The following PTPRD variants were observed in gnomAD, a reference collection of about 807,000 sequenced individuals.
The protein encoded by PTPRD is protein tyrosine phosphatase receptor type D.
PTPRD carries 34 observed loss-of-function variants against 214.5 expected under a neutral mutation model. The observed-to-expected ratio is 0.16, with a 90% CI of 0.12 to 0.21. The LOEUF is 0.21. Among genes scored for constraint, PTPRD ranks in the 10% least tolerant of loss-of-function variants. The pLI is 1.00. For missense variants in PTPRD, 2,545 were observed against 2,398.7 expected, an observed-to-expected ratio of 1.06 and a Z score of -1.27; for synonymous variants, 1,128 against 845.7, an observed-to-expected ratio of 1.33 and a Z score of -5.79.
chr9:9,870,789 T>A (rs1435958547), intron 5 of PTPRD, among the ~76,000 whole-genome samples: 4 of 152,016 alleles, frequency 2.6e-5, no homozygotes, highest in African/African-American at 9.7e-5. Flanking sequence ...CCAGGGGAAA[T>A]TGCAGATAAA....
chr9:9,102,721 A>G (rs1024868133), intron 10 of PTPRD, among the ~76,000 whole-genome samples: 6 of 152,242 alleles, frequency 3.9e-5, no homozygotes, highest in African/African-American at 1.4e-4. Context: ...CACGGAGGTT[A>G]CTGTTATAAG....
rs765882453 is a variant in PTPRD, at chr9:8,518,096, G to C, written c.1295C>G (p.Thr432Ser). The change falls in exon 21 of 46, where the codon ACC (threonine) becomes AGC (serine). Residue 432 changes from threonine to serine, a missense_variant. Physicochemically the swap from Thr to Ser is moderately conservative, Grantham distance 58. Coordinates refer to ENST00000381196, the MANE Select transcript of PTPRD (RefSeq NM_002839.4). ...TTCCTTCCACTGTACCAAAATGGTGGTCGAACTCAACATTCGTGCCTGGAC... is the reference window on the plus strand; with the variant it reads ...TTCCTTCCACTGTACCAAAATGGTGCTCGAACTCAACATTCGTGCCTGGAC... ...RDVQARMLSS[T>S]TILVQWKEPE... 5 of 1,614,112 alleles carry C rather than the reference G, an allele frequency of 3.1e-6. No homozygotes were observed. In the Admixed American group the frequency reaches 8.3e-5, roughly 27 times the overall value.
intron 8 of PTPRD, among the ~76,000 whole-genome samples, chr9:9,560,633 C>A (rs961895135): frequency 6.6e-6 from 1 of 152,174 alleles, no homozygotes; most frequent in Non-Finnish European, 1.5e-5. Context: ...TTCATCCCAC[C>A]CTTATTGCCA....
At chr9:10,472,888 TA>T (rs958804032) in intron 2 of PTPRD, among the ~76,000 whole-genome samples, 7 of 152,006 alleles carry the variant, frequency 4.6e-5, no homozygotes, top group East Asian at 1.9e-4. Context: ...AGAAAAATTT[TA>T]AAAAAATTAT....
At chr9:9,795,488 G>A (rs2098996178) in intron 5 of PTPRD, among the ~76,000 whole-genome samples, 3 of 152,038 alleles carry the variant, frequency 2.0e-5, no homozygotes, top group Middle Eastern at 3.2e-3. Context: ...ACAAGTCTGA[G>A]GAAAATTCGT....
At chr9:8,466,399 T>C (rs931962507) in intron 31 of PTPRD, among the ~76,000 whole-genome samples, 1 of 151,916 alleles carries the variant, frequency 6.6e-6, no homozygotes, top group Non-Finnish European at 1.5e-5. Flanking sequence ...ATTTTAGTAC[T>C]GCCCTGAAGA....
chr9:9,030,854 T>C (rs994365550), intron 10 of PTPRD, among the ~76,000 whole-genome samples: 1 of 152,034 alleles, frequency 6.6e-6, no homozygotes, highest in Non-Finnish European at 1.5e-5. Flanking sequence ...CATGTCTATT[T>C]TCCATACTTA....
At chr9:9,666,371 T>A (rs1460108973) in intron 7 of PTPRD, among the ~76,000 whole-genome samples, 1 of 151,906 alleles carries the variant, frequency 6.6e-6, no homozygotes, top group Non-Finnish European at 1.5e-5. Context: ...AGTAAAAAAA[T>A]TATGATCTTA....
At chr9:8,808,462 CTTTT>C (rs34627797) in intron 11 of PTPRD, among the ~76,000 whole-genome samples, 44 of 98,788 alleles carry the variant, frequency 4.5e-4, no homozygotes, top group African/African-American at 1.2e-3. Flanking sequence ...AGCCCCCCAC[CTTTT>C]TTTTTTTTTT....
chr9:9,711,547 A>G (rs2097730070), intron 7 of PTPRD, among the ~76,000 whole-genome samples: 1 of 152,186 alleles, frequency 6.6e-6, no homozygotes, highest in South Asian at 2.1e-4. Context: ...ATAAATTCTC[A>G]GAGATGGGAC....
intron 5 of PTPRD, among the ~76,000 whole-genome samples, chr9:9,894,676 T>C (rs770459990): frequency 1.6e-4 from 24 of 152,202 alleles, no homozygotes; most frequent in Middle Eastern, 3.4e-3. Context: ...AGTTACCATT[T>C]CACATATATT....
rs560493819 is a variant in PTPRD, at chr9:8,675,851, A to G, written c.65-39007T>C. Among the ~76,000 whole-genome samples, 13 of 152,276 alleles carry G rather than the reference A, an allele frequency of 8.5e-5. No individual in the cohort carries two copies. The South Asian group carries it at 2.1e-3, about 24-fold the overall frequency. On this transcript the variant is annotated intron_variant, in intron 12 of 45. Coordinates refer to ENST00000381196, the MANE Select transcript of PTPRD (RefSeq NM_002839.4). ...TATTTACAGTAGCATCCCTACTCTG[A>G]TACACTCTTCATAGTGAAGTCAGAG...
At chr9:9,921,322 G>A (rs1489881723) in intron 5 of PTPRD, among the ~76,000 whole-genome samples, 1 of 151,870 alleles carries the variant, frequency 6.6e-6, no homozygotes, top group African/African-American at 2.4e-5. Context: ...TTAATACATA[G>A]TAAAATAGAA....
chr9:8,779,413 C>T (rs527418858), intron 11 of PTPRD, among the ~76,000 whole-genome samples: 269 of 143,440 alleles, frequency 1.9e-3, no homozygotes, highest in African/African-American at 6.0e-3. Context: ...TGGGTGGGGC[C>T]GGGAGGTGGG....
At chr9:10,102,017 G>C (rs1234507107) in intron 3 of PTPRD, among the ~76,000 whole-genome samples, 2 of 151,624 alleles carry the variant, frequency 1.3e-5, no homozygotes, top group Non-Finnish European at 3.0e-5. Flanking sequence ...TAAAAAGGAG[G>C]CACATTTGTA....
At chr9:10,543,475 T>C (rs1005493008) in intron 2 of PTPRD, among the ~76,000 whole-genome samples, 1,052 of 104,330 alleles carry the variant, frequency 0.01, 10 homozygotes, top group African/African-American at 0.017. Context: ...TTAATATATA[T>C]ATATACACAC....
intron 5 of PTPRD, among the ~76,000 whole-genome samples, chr9:9,859,061 C>T (rs1167060563): frequency 2.6e-5 from 4 of 152,064 alleles, no homozygotes; most frequent in African/African-American, 4.8e-5. Context: ...ATGCTGTTCT[C>T]GTGACAGTGA....
chr9:8,955,540 T>C (rs1208369519), intron 11 of PTPRD, among the ~76,000 whole-genome samples: 4 of 151,900 alleles, frequency 2.6e-5, no homozygotes, highest in Non-Finnish European at 5.9e-5. Context: ...CCCTCTATGG[T>C]GTGCTCTTCG....
intron 8 of PTPRD, among the ~76,000 whole-genome samples, chr9:9,431,014 C>T (rs2082883874): frequency 2.0e-5 from 3 of 152,162 alleles, no homozygotes; most frequent in Non-Finnish European, 4.4e-5. Flanking sequence ...ATGTCTAAAA[C>T]ACCAAAAGCA....
Sources: allele counts gnomAD v4.1 joint callset (sites outside exome capture counted in the v4.1 genomes callset), GRCh38; gene constraint gnomAD v4.1.1; transcripts MANE v1.5; gene names NCBI Gene and HGNC (gene_info 2026-07-23, HGNC 2026-07-21).